The following MPDZ variants were observed in gnomAD, a reference collection of about 807,000 sequenced individuals.
MPDZ encodes multiple PDZ domain protein.
In MPDZ, 234 loss-of-function variants were observed where a neutral mutation model predicts 239.1. The ratio of observed to expected loss-of-function variants is 0.98; its 90% CI spans 0.88 to 1.09. The LOEUF is 1.09. Among genes scored for constraint, MPDZ ranks in the 50% least tolerant of loss-of-function variants. The probability of loss-of-function intolerance (pLI) is 0.00; values close to 1 mark genes in which losing one functional copy is unlikely to be tolerated. For missense variants in MPDZ, 3,175 were observed against 2,510.0 expected, an observed-to-expected ratio of 1.26 and a Z score of -5.66; for synonymous variants, 1,048 against 881.3, an observed-to-expected ratio of 1.19 and a Z score of -3.35.
intron 1 of MPDZ, among the ~76,000 whole-genome samples, chr9:13,258,014 T>A (rs764064797): frequency 1.1e-4 from 16 of 152,200 alleles, no homozygotes; most frequent in Non-Finnish European, 7.3e-5. Flanking sequence ...AGCTGCCTAA[T>A]CCTTAATAAA....
rs1455691049 is a variant in MPDZ, at chr9:13,106,928, A to T, written c.*37T>A. ...TGCATTCTCTTTACAGTAGGAGGTG[A>T]GCTAGGGGTTGGGTTGGTTCAATTC... On this transcript the variant is annotated 3_prime_UTR_variant, in exon 47 of 47. Coordinates refer to ENST00000319217, the MANE Select transcript of MPDZ (RefSeq NM_001378778.1). 1.2e-6 allele frequency: 2 copies of T among 1,608,918 alleles called. No homozygotes were observed. The highest frequency in any genetic ancestry group is 1.3e-5 in the African/African-American group (1 of 74,874).
chr9:13,232,232 T>C (rs929214839), intron 3 of MPDZ, among the ~76,000 whole-genome samples: 3 of 152,152 alleles, frequency 2.0e-5, no homozygotes, highest in Non-Finnish European at 4.4e-5. Context: ...ACTTAGTAAG[T>C]TGGTGGATGT....
At chr9:13,158,311 G>A (rs574042606) in intron 23 of MPDZ, among the ~76,000 whole-genome samples, 10 of 152,154 alleles carry the variant, frequency 6.6e-5, no homozygotes, top group Admixed American at 2.6e-4. Flanking sequence ...TAGAATCAAC[G>A]TACCATAGCG....
chr9:13,240,062 A>G (rs913084090), intron 3 of MPDZ, among the ~76,000 whole-genome samples: 1 of 152,114 alleles, frequency 6.6e-6, no homozygotes, highest in Admixed American at 6.5e-5. Context: ...AAATTAATCT[A>G]TTTGAAAATG....
At position 13,279,462 on chromosome 9, in the gene MPDZ, C is replaced by A. The variant is rs1175873523; in HGVS notation, c.-120G>T. The stretch of plus-strand genomic sequence containing the variant: ...GGGCGGAGGACTGGGGAGCAGGGGT[C>A]GCCGGGGCCTCTGGATGCCTCGCCT... On this transcript the variant is annotated 5_prime_UTR_variant, in exon 1 of 47. Coordinates refer to ENST00000319217, the MANE Select transcript of MPDZ (RefSeq NM_001378778.1). 1 of 148,624 alleles carries A rather than the reference C, an allele frequency of 6.7e-6. No individual in the cohort carries two copies. Among genetic ancestry groups the A allele is most frequent in the Admixed American group, 6.7e-5 (1 of 14,964 alleles). The allele number at this position is 148,624 out of a possible 1,614,324, so 9.2% of individuals were successfully genotyped here. A position where few individuals can be genotyped will look rare whatever the true frequency, so the allele number is the denominator to read the frequency against.
intron 38 of MPDZ, chr9:13,120,569 CTAT>C (rs894515511): frequency 3.9e-5 from 6 of 152,152 alleles, no homozygotes; most frequent in African/African-American, 1.4e-4. Flanking sequence ...CAAAAAAAGT[CTAT>C]TTTTTAGACA....
Position 13,168,435 on chromosome 9 carries a change from G to A in MPDZ, c.3185C>T (p.Thr1062Ile). 4 of 1,613,492 alleles carry A rather than the reference G, an allele frequency of 2.5e-6. No homozygotes were observed. The African/African-American group carries it at 5.3e-5, about 22-fold the overall frequency. The change falls in exon 22 of 47, where the codon ACC (threonine) becomes ATC (isoleucine). Residue 1062 changes from threonine (T) to isoleucine (I), a missense_variant. Transcript: ENST00000319217. ...DCILSINEES[T>I]ISVTNAQARA... ...TGCCTGGGCATTGGTTACACTGATG[G>A]TAGACTCTTCATTAATGGACAAGAT...
At chr9:13,272,493 T>G (rs965630975) in intron 1 of MPDZ, among the ~76,000 whole-genome samples, 1 of 151,758 alleles carries the variant, frequency 6.6e-6, no homozygotes, top group Non-Finnish European at 1.5e-5. Context: ...ACTGTGAATG[T>G]GATGGGAAAG....
At position 13,219,114 on chromosome 9, in the gene MPDZ, C is replaced by G. The variant is rs1408632588; in HGVS notation, c.1086+445G>C. On this transcript the variant is annotated intron_variant, in intron 8 of 46. Transcript: ENST00000319217. ...CCTTATTCATACTCACCAAGCCTGC[C>G]CCCACTCCTCAACCTCCACACATTC... 4.0e-5 allele frequency among the ~76,000 whole-genome samples: 6 copies of G among 151,882 alleles called. No homozygotes were observed. The East Asian group carries it at 1.2e-3, about 30-fold the overall frequency.
intron 1 of MPDZ, among the ~76,000 whole-genome samples, chr9:13,270,859 C>T (rs1972795880): frequency 6.6e-6 from 1 of 152,032 alleles, no homozygotes; most frequent in Admixed American, 6.6e-5. Context: ...ATTTCAGCAC[C>T]AAATTACTCC....
intron 21 of MPDZ, among the ~76,000 whole-genome samples, chr9:13,172,905 GAATA>G (rs945848532): frequency 3.5e-4 from 53 of 152,100 alleles, no homozygotes; most frequent in African/African-American, 1.2e-3. Flanking sequence ...ATCAGTAGAT[GAATA>G]AATAAACAAA....
Position 13,192,288 on chromosome 9 carries a change from C to A in MPDZ, c.1811G>T (p.Gly604Val). ...FSGDELLEVN[G>V]ITLLGENHQD... ...GTGATTTTCCCCAAGTAAAGTTATG[C>A]CATTTACCTGTGAAAAAAGATACAT... Residue 604 changes from glycine to valine, a missense_variant, in exon 15 of 47, where the codon GGC (glycine) becomes GTC (valine). By Grantham distance (109) the Gly-to-Val change is moderately radical. Transcript: ENST00000319217. 1 of 1,594,704 alleles carries A rather than the reference C, an allele frequency of 6.3e-7. No homozygotes were observed. The highest frequency in any genetic ancestry group is 8.6e-7 in the Non-Finnish European group (1 of 1,169,230).
intron 3 of MPDZ, among the ~76,000 whole-genome samples, chr9:13,234,515 A>C (rs140171473): frequency 6.2e-4 from 95 of 152,230 alleles, no homozygotes; most frequent in African/African-American, 2.2e-3. Flanking sequence ...TGATTCTGTT[A>C]TTTTGACTTA....
chr9:13,218,618 A>C (rs991861146), intron 8 of MPDZ, among the ~76,000 whole-genome samples: 1 of 151,912 alleles, frequency 6.6e-6, no homozygotes, highest in African/African-American at 2.4e-5. Context: ...TGTTCTAATA[A>C]AGTTTTAAAG....
At chr9:13,193,407 G>T (rs1955217797) in intron 13 of MPDZ, 94 bp from the exon 14 acceptor site, 3 of 1,330,712 alleles carry the variant, frequency 2.3e-6, no homozygotes, top group Non-Finnish European at 3.0e-6. Context: ...CCCAAAAGTG[G>T]TCATCTTTCT....
intron 2 of MPDZ, among the ~76,000 whole-genome samples, chr9:13,248,917 G>C (rs1967060373): frequency 7.3e-6 from 1 of 136,354 alleles, no homozygotes; most frequent in South Asian, 2.4e-4. Flanking sequence ...AAGTTGCAGT[G>C]AGCCGAGATC....
intron 10 of MPDZ, among the ~76,000 whole-genome samples, chr9:13,206,653 T>C (rs1457394709): frequency 6.6e-6 from 1 of 151,912 alleles, no homozygotes; most frequent in Non-Finnish European, 1.5e-5. Flanking sequence ...AAGTGATTCT[T>C]CTGCCTCAGC....
chr9:13,115,160 C>T, intron 40 of MPDZ, 88 bp downstream of exon 40: 1 of 1,132,942 alleles, frequency 8.8e-7, no homozygotes, highest in Non-Finnish European at 1.3e-6. Context: ...GGGGACCAGA[C>T]CTTGTACACA....
chr9:13,217,349 CA>C, intron 8 of MPDZ, 55 bp from the exon 9 acceptor site: 1 of 1,137,272 alleles, frequency 8.8e-7, no homozygotes, highest in Non-Finnish European at 1.2e-6. Context: ...AAACAAAAAA[CA>C]AAAAACAAAC....
Sources: gnomAD v4.1 joint callset for allele counts (sites outside exome capture counted in the v4.1 genomes callset) on GRCh38, gnomAD v4.1.1 for gene constraint, MANE v1.5 for transcripts, NCBI Gene and HGNC (gene_info 2026-07-23, HGNC 2026-07-21) for gene names.